Variants in PLPP1 observed in about 807,000 individuals in gnomAD.
PLPP1 encodes lipid phosphate phosphohydrolase 1a.
PLPP1 carries 24 observed loss-of-function variants against 31.2 expected under a neutral mutation model. The ratio of observed to expected loss-of-function variants is 0.77; its 90% confidence interval spans 0.56 to 1.08. The LOEUF (loss-of-function observed/expected upper bound fraction) is 1.08, where lower values mean the gene tolerates loss of function less well. Ranked by LOEUF, PLPP1 falls within the 50% of genes least tolerant of loss-of-function variation. The probability of loss-of-function intolerance (pLI) is 0.00; values close to 1 mark genes in which losing one functional copy is unlikely to be tolerated. For missense variants in PLPP1, 319 were observed against 342.7 expected, an observed-to-expected ratio of 0.93 and a Z score of 0.55; for synonymous variants, 146 against 126.3, an observed-to-expected ratio of 1.16 and a Z score of -1.05.
chr5:55,437,182 TG>T (rs1413458392), intron 4 of PLPP1, among the ~76,000 whole-genome samples: 1 of 152,254 alleles, frequency 6.6e-6, no homozygotes, highest in Non-Finnish European at 1.5e-5. Context: ...CATTTTTGGT[TG>T]AAATTTCTGA....
At chr5:55,514,933 C>A (rs1489262856) in intron 1 of PLPP1, among the ~76,000 whole-genome samples, 1 of 152,170 alleles carries the variant, frequency 6.6e-6, no homozygotes, top group African/African-American at 2.4e-5. Context: ...AGCAAGAAAA[C>A]AGGTAGACAT....
intron 1 of PLPP1, among the ~76,000 whole-genome samples, chr5:55,528,142 G>T (rs1333459911): frequency 1.3e-5 from 2 of 152,118 alleles, no homozygotes; most frequent in Non-Finnish European, 2.9e-5. Context: ...TCTAGATATT[G>T]TGGGACTGCC....
At chr5:55,445,407 T>A (rs138388205) in intron 3 of PLPP1, among the ~76,000 whole-genome samples, 1 of 152,244 alleles carries the variant, frequency 6.6e-6, no homozygotes, top group African/African-American at 2.4e-5. Context: ...ACCCAGCTGA[T>A]CATCTCTGAT....
Position 55,512,015 on chromosome 5 carries a change from G to A in PLPP1, c.58+22557C>T, listed in dbSNP as rs112866838. Among the ~76,000 whole-genome samples the A allele has an allele frequency of 5.9e-3, 884 of 150,860 alleles. 7 individuals carry two copies. The highest frequency in any genetic ancestry group is 0.021 in the African/African-American group (851 of 41,094). On this transcript the variant is annotated intron_variant, in intron 1 of 5. Coordinates refer to ENST00000307259, the MANE Select transcript of PLPP1 (RefSeq NM_003711.4). Reference sequence around the variant, plus strand: ...TGGCAGGTGGCAGCCTGTAATCCAAGCTACTCAGGAGGTTGAGGCAGGAGA... The same window carrying A: ...TGGCAGGTGGCAGCCTGTAATCCAAACTACTCAGGAGGTTGAGGCAGGAGA...
chr5:55,430,161 T>C (rs1359846362), intron 4 of PLPP1, among the ~76,000 whole-genome samples: 4 of 152,052 alleles, frequency 2.6e-5, no homozygotes, highest in African/African-American at 9.7e-5. Context: ...CGCAAACCAC[T>C]TGGGAATCAG....
intron 1 of PLPP1, among the ~76,000 whole-genome samples, chr5:55,483,781 A>G (rs1454827917): frequency 1.3e-5 from 2 of 152,064 alleles, no homozygotes; most frequent in South Asian, 2.1e-4. Flanking sequence ...ACCAAAAACT[A>G]TAACAATCCA....
At chr5:55,447,909 G>A (rs1361141110) in intron 3 of PLPP1, among the ~76,000 whole-genome samples, 2 of 151,700 alleles carry the variant, frequency 1.3e-5, no homozygotes, top group African/African-American at 4.8e-5. Context: ...CACTCTAAAT[G>A]CAAAAAAAAG....
At chr5:55,532,691 G>A (rs982810231) in intron 1 of PLPP1, among the ~76,000 whole-genome samples, 23 of 152,218 alleles carry the variant, frequency 1.5e-4, no homozygotes, top group African/African-American at 4.6e-4. Context: ...GGGCGCGGTG[G>A]TTGACGCCTG....
chr5:55,529,179 A>C (rs1231597697), intron 1 of PLPP1, among the ~76,000 whole-genome samples: 7 of 151,962 alleles, frequency 4.6e-5, no homozygotes, highest in Non-Finnish European at 8.8e-5. Context: ...TCAACCCCCT[A>C]TTGCTTGTCC....
At chr5:55,426,855 ACTAAATAAT>A (rs949378712) in intron 4 of PLPP1, among the ~76,000 whole-genome samples, 1 of 152,210 alleles carries the variant, frequency 6.6e-6, no homozygotes, top group African/African-American at 2.4e-5. Context: ...GGCAACTGAG[ACTAAATAAT>A]CTGTATTTGC....
chr5:55,498,770 T>C (rs1753057049), intron 1 of PLPP1, among the ~76,000 whole-genome samples: 1 of 151,556 alleles, frequency 6.6e-6, no homozygotes, highest in Non-Finnish European at 1.5e-5. Flanking sequence ...AATTCTATAC[T>C]CTAGCAACTC....
At chr5:55,436,617 A>G (rs1432989831) in intron 4 of PLPP1, among the ~76,000 whole-genome samples, 2 of 152,340 alleles carry the variant, frequency 1.3e-5, no homozygotes, top group East Asian at 3.9e-4. Context: ...CCGCTTGTGA[A>G]GAGCCTCATG....
chr5:55,460,238 G>T (rs1258686244), intron 3 of PLPP1, among the ~76,000 whole-genome samples: 1 of 151,938 alleles, frequency 6.6e-6, no homozygotes, highest in African/African-American at 2.4e-5. Flanking sequence ...CACAGCTAGT[G>T]ATCTAAGCAT....
At chr5:55,504,813 CCT>C (rs1753236430) in intron 1 of PLPP1, among the ~76,000 whole-genome samples, 1 of 149,818 alleles carries the variant, frequency 6.7e-6, no homozygotes, top group Admixed American at 6.6e-5. Flanking sequence ...CCCTAACTTT[CCT>C]TTTTTTTTTT....
intron 2 of PLPP1, among the ~76,000 whole-genome samples, chr5:55,474,017 G>C (rs1420923194): frequency 9.7e-6 from 1 of 103,064 alleles, no homozygotes; most frequent in Non-Finnish European, 2.0e-5. Context: ...TTTTTTTCCA[G>C]ACGGAGTCTC....
chr5:55,459,780 GCTAC>G (rs1752111098), intron 3 of PLPP1, among the ~76,000 whole-genome samples: 1 of 152,078 alleles, frequency 6.6e-6, no homozygotes, highest in Admixed American at 6.6e-5. Flanking sequence ...TTCAATAACA[GCTAC>G]ATTGAGCATG....
intron 1 of PLPP1, among the ~76,000 whole-genome samples, chr5:55,499,057 C>T (rs1216656449): frequency 5.3e-5 from 8 of 152,298 alleles, no homozygotes; most frequent in African/African-American, 1.9e-4. Context: ...AAAACAAACT[C>T]CCTGCAGGAA....
intron 3 of PLPP1, among the ~76,000 whole-genome samples, chr5:55,444,386 T>G (rs1001379836): frequency 4.6e-5 from 7 of 152,078 alleles, no homozygotes; most frequent in African/African-American, 1.7e-4. Flanking sequence ...CGGCCCCAAA[T>G]GCAGTTTGTT....
At chr5:55,475,487 A>G in intron 1 of PLPP1, 37 bp from the exon 2 acceptor site, 1 of 1,534,898 alleles carries the variant, frequency 6.5e-7, no homozygotes. Flanking sequence ...TCATTAAAAA[A>G]GAAATATCAA....
Sources: gnomAD v4.1 joint callset for allele counts (sites outside exome capture counted in the v4.1 genomes callset) on GRCh38, gnomAD v4.1.1 for gene constraint, MANE v1.5 for transcripts, NCBI Gene and HGNC (gene_info 2026-07-23, HGNC 2026-07-21) for gene names.